Variants in CSNK1G1 observed in about 807,000 individuals in gnomAD.
The protein encoded by CSNK1G1 is casein kinase I isoform gamma-1.
In CSNK1G1, 22 loss-of-function variants were observed where a neutral mutation model predicts 59.6. The observed-to-expected ratio is 0.37, with a 90% CI of 0.26 to 0.53. CSNK1G1 has a LOEUF of 0.53. Among genes scored for constraint, CSNK1G1 ranks in the 20% least tolerant of loss-of-function variants. CSNK1G1 has a pLI of 0.89. For synonymous variants in CSNK1G1, 179 were observed against 177.1 expected, an observed-to-expected ratio of 1.01 and a Z score of -0.08; for missense variants, 384 against 519.5, an observed-to-expected ratio of 0.74 and a Z score of 2.54.
At chr15:64,350,394 C>T (rs746189995) in intron 1 of CSNK1G1, among the ~76,000 whole-genome samples, 9 of 151,548 alleles carry the variant, frequency 5.9e-5, no homozygotes, top group East Asian at 1.9e-4. Flanking sequence ...CCAGCTACTC[C>T]GGAGGCTGAG....
chr15:64,267,445 C>T (rs866792951), intron 2 of CSNK1G1, among the ~76,000 whole-genome samples: 9 of 151,978 alleles, frequency 5.9e-5, no homozygotes, highest in Non-Finnish European at 1.0e-4. Context: ...ATATAAGGAA[C>T]TTGAACAACT....
chr15:64,270,583 C>T lies in CSNK1G1; in HGVS notation c.182-11342G>A, dbSNP rs1020491771. On this transcript the variant is annotated intron_variant, in intron 2 of 11. Coordinates refer to ENST00000303052, the MANE Select transcript of CSNK1G1 (RefSeq NM_022048.5). ...GACCATCCTGGCCAACACAGTGAAACCCCGTCTCTACTAAAAATACAAAAA... is the reference window on the plus strand; with the variant it reads ...GACCATCCTGGCCAACACAGTGAAATCCCGTCTCTACTAAAAATACAAAAA... Among the ~76,000 whole-genome samples the T allele has an allele frequency of 4.6e-5, 7 of 152,158 alleles. No homozygotes were observed. In the East Asian group the frequency reaches 1.2e-3, roughly 25 times the overall value.
chr15:64,283,848 T>G (rs1303487504), intron 2 of CSNK1G1, among the ~76,000 whole-genome samples: 1 of 152,178 alleles, frequency 6.6e-6, no homozygotes, highest in Admixed American at 6.5e-5. Flanking sequence ...GAAATCCAAT[T>G]TATCTGTTTT....
intron 2 of CSNK1G1, among the ~76,000 whole-genome samples, chr15:64,273,277 A>G (rs895177179): frequency 2.0e-5 from 3 of 152,226 alleles, no homozygotes; most frequent in South Asian, 2.1e-4. Context: ...AGCATGTACA[A>G]TTATTATGTG....
At chr15:64,242,498 A>G (rs2098356402) in intron 4 of CSNK1G1, among the ~76,000 whole-genome samples, 1 of 152,178 alleles carries the variant, frequency 6.6e-6, no homozygotes. Context: ...AAGCCTCATC[A>G]GAAGCCAAGC....
chr15:64,259,113 C>T lies in CSNK1G1; in HGVS notation c.222+88G>A, dbSNP rs901175622. The T allele has an allele frequency of 6.6e-5, 76 of 1,156,046 alleles. 2 individuals are homozygous for T. The South Asian group carries it at 9.8e-4, about 15-fold the overall frequency. The allele number at this position is 1,156,046 out of a possible 1,614,324, so 71.6% of individuals were successfully genotyped here. On this transcript the variant is annotated intron_variant, in intron 3 of 11. Transcript: ENST00000303052. ...AAACCCCAAACCATTAGCAGTTTTG[C>T]GAATGAATGCTTAAAACTATTTCCT...
At chr15:64,207,808 G>A (rs917197285) in intron 6 of CSNK1G1, among the ~76,000 whole-genome samples, 2 of 152,172 alleles carry the variant, frequency 1.3e-5, no homozygotes. Context: ...TAAATATCAA[G>A]AGAAAAGAGC....
At chr15:64,340,445 A>G (rs540477599) in intron 1 of CSNK1G1, among the ~76,000 whole-genome samples, 1 of 152,274 alleles carries the variant, frequency 6.6e-6, no homozygotes, top group East Asian at 1.9e-4. Context: ...GTTGTTATGT[A>G]GGTTTATGTA....
chr15:64,257,972 C>T (rs556982444), intron 3 of CSNK1G1, among the ~76,000 whole-genome samples: 1 of 152,290 alleles, frequency 6.6e-6, no homozygotes, highest in African/African-American at 2.4e-5. Flanking sequence ...CTGCTCTAAG[C>T]CCTGCTCCCT....
chr15:64,345,781 T>C (rs772078040), intron 1 of CSNK1G1, among the ~76,000 whole-genome samples: 3 of 152,056 alleles, frequency 2.0e-5, no homozygotes, highest in Admixed American at 6.6e-5. Flanking sequence ...TTAACGCTTG[T>C]AGAATAGAAA....
chr15:64,278,760 A>C (rs1042754173), intron 2 of CSNK1G1, among the ~76,000 whole-genome samples: 2 of 152,164 alleles, frequency 1.3e-5, no homozygotes, highest in African/African-American at 4.8e-5. Flanking sequence ...TTAGGTACTC[A>C]ACTAATGTAC....
chr15:64,327,142 C>T (rs1349096064), intron 1 of CSNK1G1, among the ~76,000 whole-genome samples: 4 of 152,218 alleles, frequency 2.6e-5, no homozygotes, highest in Non-Finnish European at 5.9e-5. Context: ...AACAAAGCAG[C>T]CGGGAAGCTC....
Position 64,188,860 on chromosome 15 carries a change from G to A in CSNK1G1, c.1108-8406C>T, listed in dbSNP as rs996538323. 2.0e-5 allele frequency among the ~76,000 whole-genome samples: 3 copies of A among 152,182 alleles called. No individual in the cohort carries two copies. The highest frequency in any genetic ancestry group is 7.2e-5 in the African/African-American group (3 of 41,444). ...AATGTTAAGATTGTTCGGAGTGGTG[G>A]CATACGCCTATAATCTCAGCACTTT... is the stretch of plus-strand genomic sequence containing the variant. On this transcript the variant is annotated intron_variant, in intron 10 of 11. Transcript: ENST00000303052. The surrounding 1 kb of genome is among the most constrained non-coding windows in gnomAD (Gnocchi z 4.2).
At chr15:64,296,788 C>T (rs890805872) in intron 2 of CSNK1G1, among the ~76,000 whole-genome samples, 1 of 151,462 alleles carries the variant, frequency 6.6e-6, no homozygotes, top group Non-Finnish European at 1.5e-5. Flanking sequence ...CACTTGAACC[C>T]GGGAGGCAGA....
In CSNK1G1 at chr15:64,273,291, G is replaced by A. The variant is rs182454838; in HGVS notation, c.182-14050C>T. ...AAGCATGTACAATTATTATGTGTCAGTTATAAACAAAATAAAAAATATTAA... is the reference window on the plus strand; with the variant it reads ...AAGCATGTACAATTATTATGTGTCAATTATAAACAAAATAAAAAATATTAA... On this transcript the variant is annotated intron_variant, in intron 2 of 11. Coordinates refer to ENST00000303052, the MANE Select transcript of CSNK1G1 (RefSeq NM_022048.5). Among the ~76,000 whole-genome samples, 571 of 152,176 alleles carry A rather than the reference G, an allele frequency of 3.8e-3. 5 individuals are homozygous for A. The highest frequency in any genetic ancestry group is 0.013 in the African/African-American group (549 of 41,496).
intron 2 of CSNK1G1, among the ~76,000 whole-genome samples, chr15:64,289,361 T>C (rs1894610217): frequency 6.6e-6 from 1 of 152,262 alleles, no homozygotes; most frequent in East Asian, 1.9e-4. Context: ...GTTAGAACTC[T>C]TCATTTCTAC....
intron 10 of CSNK1G1, chr15:64,195,033 T>C (rs1766775285): frequency 6.6e-6 from 1 of 152,248 alleles, no homozygotes; most frequent in Admixed American, 6.5e-5. Context: ...GATCTTTGAT[T>C]CATATTTTCC....
At chr15:64,303,812 G>T (rs1465765875) in intron 1 of CSNK1G1, among the ~76,000 whole-genome samples, 1 of 151,536 alleles carries the variant, frequency 6.6e-6, no homozygotes, top group Admixed American at 6.6e-5. Flanking sequence ...CAGTGACTTG[G>T]GGAGGCTGAA....
intron 1 of CSNK1G1, among the ~76,000 whole-genome samples, chr15:64,346,305 CA>C (rs947519704): frequency 4.7e-4 from 62 of 132,430 alleles, no homozygotes; most frequent in African/African-American, 1.2e-3. Flanking sequence ...TACACCTTTC[CA>C]AAAAAAAAAA....
Sources: gnomAD v4.1 joint callset for allele counts (sites outside exome capture counted in the v4.1 genomes callset) on GRCh38, gnomAD v4.1.1 for gene constraint, Gnocchi (gnomAD v3.1) non-coding constraint, MANE v1.5 for transcripts, NCBI Gene and HGNC (gene_info 2026-07-23, HGNC 2026-07-21) for gene names.